DHRS9: variants seen among roughly 807,000 people sequenced by gnomAD.
DHRS9 encodes the protein dehydrogenase/reductase SDR family member 9.
A neutral mutation model predicts 26.6 loss-of-function variants in DHRS9; 18 were observed. The observed-to-expected ratio is 0.68, with a 90% CI of 0.47 to 1.00. The LOEUF is 1.00. DHRS9 is among the 50% of genes least tolerant of loss of function. The pLI, the probability that DHRS9 is intolerant of heterozygous loss-of-function variation, is 0.00. For missense variants in DHRS9, 425 were observed against 378.7 expected (o/e 1.12, Z -1.01); for synonymous variants, 134 against 141.1 (o/e 0.95, Z 0.36).
chr2:169,091,878 GA>G lies in DHRS9; in HGVS notation c.669del (p.Lys223AsnfsTer25), dbSNP rs756920263. On this transcript the variant is annotated frameshift_variant, in exon 4 of 5. Transcript: ENST00000674881. LOFTEE classifies it high-confidence loss of function. ...CTTGGCAGATCCAGTAAAGGTAATTGAAAAAAAACTCGCCATTTGGGAGCAG... is the reference window on the plus strand; with the variant it reads ...CTTGGCAGATCCAGTAAAGGTAATTGAAAAAAACTCGCCATTTGGGAGCAG... ...TNLADPVKVIEKKLAIWEQLS... is the reference protein window; with the variant it reads ...TNLADPVKVIXKKLAIWEQLS... 3 of 1,613,440 alleles carry G rather than the reference GA, an allele frequency of 1.9e-6. No individual in the cohort carries two copies. Among genetic ancestry groups the G allele is most frequent in the Admixed American group, 1.7e-5 (1 of 59,916 alleles).
chr2:169,094,499 C>T (rs1239736921), intron 4 of DHRS9, among the ~76,000 whole-genome samples: 4 of 150,654 alleles, frequency 2.7e-5, no homozygotes, highest in Admixed American at 6.6e-5. Flanking sequence ...GAAATCATTG[C>T]CCAGACCAAT....
At chr2:169,082,751 A>T (rs936238018) in intron 2 of DHRS9, among the ~76,000 whole-genome samples, 3 of 152,172 alleles carry the variant, frequency 2.0e-5, no homozygotes, top group African/African-American at 7.2e-5. Context: ...AACATTATAT[A>T]AATATTCTCT....
Position 169,091,941 on chromosome 2 carries a change from T to C in DHRS9, c.724T>C (p.Tyr242His). ...CATCAAACAACAATATGGAGAAGGT[T>C]ACATTGAAAAAAGTGAGTTTCCGGG... ...PDIKQQYGEG[Y>H]IEKSLDKLKG... Residue 242 changes from tyrosine to histidine, a missense_variant, in exon 4 of 5, where the codon TAC (tyrosine) becomes CAC (histidine). Tyr to His is a moderately conservative substitution (Grantham distance 83). Coordinates refer to ENST00000674881, the MANE Select transcript of DHRS9 (RefSeq NM_001376924.1). 1 of 1,613,662 alleles carries C rather than the reference T, an allele frequency of 6.2e-7. No individual in the cohort carries two copies. Among genetic ancestry groups the C allele is most frequent in the Middle Eastern group, 1.7e-4 (1 of 6,052 alleles).
intron 3 of DHRS9, among the ~76,000 whole-genome samples, chr2:169,087,070 G>T (rs964210591): frequency 6.6e-6 from 1 of 152,164 alleles, no homozygotes; most frequent in Non-Finnish European, 1.5e-5. Context: ...GGGGTGGCAA[G>T]TTCTCCCTAC....
intron 2 of DHRS9, among the ~76,000 whole-genome samples, chr2:169,082,234 G>A (rs1032465935): frequency 3.3e-5 from 5 of 152,174 alleles, no homozygotes; most frequent in African/African-American, 1.2e-4. Flanking sequence ...ATGTACAGGA[G>A]AATATGGGGG....
At chr2:169,090,642 A>C (rs1383925954) in intron 3 of DHRS9, among the ~76,000 whole-genome samples, 1 of 152,226 alleles carries the variant, frequency 6.6e-6, no homozygotes, top group Non-Finnish European at 1.5e-5. Context: ...TATAAAATGA[A>C]TAAATACTTC....
intron 4 of DHRS9, among the ~76,000 whole-genome samples, chr2:169,094,819 A>C (rs1684643431): frequency 6.6e-6 from 1 of 152,136 alleles, no homozygotes; most frequent in Admixed American, 6.5e-5. Flanking sequence ...TGTATTGAAA[A>C]GACTGGGGTT....
intron 1 of DHRS9, among the ~76,000 whole-genome samples, chr2:169,077,935 A>T (rs1684012861): frequency 6.6e-6 from 1 of 152,222 alleles, no homozygotes; most frequent in East Asian, 1.9e-4. Context: ...TTCAGATGTC[A>T]GATGTTGCTT....
chr2:169,092,568 C>T lies in DHRS9; in HGVS notation c.736+615C>T, dbSNP rs149710694. Among the ~76,000 whole-genome samples the T allele has an allele frequency of 3.5e-3, 533 of 152,254 alleles. 3 individuals carry two copies. Among genetic ancestry groups the T allele is most frequent in the African/African-American group, 0.012 (516 of 41,534 alleles). ...TGCTAGATGGTGTGGTTTCTAATTC[C>T]CCAGGGAATTTAGACCAGGAAAAGA... On this transcript the variant is annotated intron_variant, in intron 4 of 4. Coordinates refer to ENST00000674881, the MANE Select transcript of DHRS9 (RefSeq NM_001376924.1).
rs1684199106 is a variant in DHRS9 at position 169,081,810 on chromosome 2, C to A, written c.229C>A (p.Leu77Ile). 1 of 1,614,022 alleles carries A rather than the reference C, an allele frequency of 6.2e-7. No homozygotes were observed. Among genetic ancestry groups the A allele is most frequent in the South Asian group, 1.1e-5 (1 of 91,084 alleles). Residue 77 changes from leucine (L) to isoleucine (I), a missense_variant, in exon 2 of 5, where the codon CTT (leucine) becomes ATT (isoleucine). By Grantham distance (5) the Leu-to-Ile change is conservative. Coordinates refer to ENST00000674881, the MANE Select transcript of DHRS9 (RefSeq NM_001376924.1). The part of the protein sequence containing the change: ...TALKAETSER[L>I]RTVLLDVTDP... Reference sequence around the variant, plus strand: ...TTTAAAGGCAGAAACCTCAGAGAGACTTCGTACTGTGCTTCTGGATGTGAC... The same window carrying A: ...TTTAAAGGCAGAAACCTCAGAGAGAATTCGTACTGTGCTTCTGGATGTGAC...
intron 1 of DHRS9, chr2:169,070,326 T>C (rs1480782809): frequency 2.4e-5 from 24 of 985,312 alleles, no homozygotes; most frequent in Non-Finnish European, 2.9e-5. Context: ...TTACTCCCCA[T>C]TTTATGATCC....
intron 4 of DHRS9, among the ~76,000 whole-genome samples, chr2:169,092,474 T>A (rs1056380888): frequency 6.6e-6 from 1 of 152,204 alleles, no homozygotes; most frequent in South Asian, 2.1e-4. Flanking sequence ...TGTAAAACAA[T>A]GAAATAATGT....
intron 3 of DHRS9, among the ~76,000 whole-genome samples, chr2:169,086,411 G>C (rs1684351453): frequency 6.6e-6 from 1 of 151,866 alleles, no homozygotes; most frequent in Admixed American, 6.6e-5. Flanking sequence ...ATTTCACTGA[G>C]TTTCCTCAAA....
At chr2:169,087,983 C>T (rs1383284111) in intron 3 of DHRS9, among the ~76,000 whole-genome samples, 1 of 152,130 alleles carries the variant, frequency 6.6e-6, no homozygotes, top group Admixed American at 6.5e-5. Context: ...AAGCACTCTC[C>T]TGGCTGCCCA....
At chr2:169,075,805 G>T (rs763769562) in intron 1 of DHRS9, among the ~76,000 whole-genome samples, 3 of 152,074 alleles carry the variant, frequency 2.0e-5, no homozygotes, top group Non-Finnish European at 2.9e-5. Context: ...GAGCTGTTGT[G>T]TCCTTCCCTG....
chr2:169,070,143 G>A, intron 1 of DHRS9: 1 of 985,392 alleles, frequency 1.0e-6, no homozygotes. Context: ...TGATCTGTTT[G>A]TCTGTCCGCT....
intron 4 of DHRS9, among the ~76,000 whole-genome samples, chr2:169,095,295 G>A (rs1047507205): frequency 1.3e-5 from 2 of 152,116 alleles, no homozygotes; most frequent in African/African-American, 4.8e-5. Flanking sequence ...AGGTGGAACC[G>A]AGAAACCTGG....
intron 3 of DHRS9, among the ~76,000 whole-genome samples, chr2:169,083,810 C>G (rs930689033): frequency 6.6e-6 from 1 of 152,066 alleles, no homozygotes; most frequent in African/African-American, 2.4e-5. Context: ...TATCCATCAC[C>G]TCAAGCATTT....
chr2:169,095,816 C>T lies in DHRS9; in HGVS notation c.*49C>T. ...TCCAGGCTATGAAATTGGCCGATTT[C>T]AAGAACACATCTCCTTTTCAACCCC... is the stretch of plus-strand genomic sequence containing the variant. On this transcript the variant is annotated 3_prime_UTR_variant, in exon 5 of 5. Coordinates refer to ENST00000674881, the MANE Select transcript of DHRS9 (RefSeq NM_001376924.1). The T allele has an allele frequency of 6.6e-7, 1 of 1,515,028 alleles. No individual in the cohort carries two copies. The highest frequency in any genetic ancestry group is 9.1e-7 in the Non-Finnish European group (1 of 1,093,656). 93.8% of individuals were successfully genotyped at this position (1,515,028 alleles called of 1,614,324 possible).
Sources: allele counts gnomAD v4.1 joint callset (sites outside exome capture counted in the v4.1 genomes callset), GRCh38; gene constraint gnomAD v4.1.1; transcripts MANE v1.5; gene names NCBI Gene and HGNC (gene_info 2026-07-23, HGNC 2026-07-21).